SOX5: variants seen among roughly 807,000 people sequenced by gnomAD.
SOX5 encodes the protein SRY-box transcription factor 5, also known as transcription factor SOX-5.
Under a neutral mutation model 92.0 loss-of-function variants are expected in SOX5, and 9 were observed. That is an observed-to-expected ratio of 0.10 (90% CI 0.06 to 0.17). The LOEUF (loss-of-function observed/expected upper bound fraction) is 0.17, where lower values mean the gene tolerates loss of function less well. Ranked by LOEUF, SOX5 falls within the 10% of genes least tolerant of loss-of-function variation. SOX5 has a pLI of 1.00. For synonymous variants in SOX5, 344 were observed against 336.3 expected, an observed-to-expected ratio of 1.02 and a Z score of -0.25; for missense variants, 642 against 944.5, an observed-to-expected ratio of 0.68 and a Z score of 4.20.
intron 3 of SOX5, among the ~76,000 whole-genome samples, chr12:24,234,226 C>T (rs1191159509): frequency 6.6e-6 from 1 of 152,156 alleles, no homozygotes; most frequent in African/African-American, 2.4e-5. Flanking sequence ...CATATTCGAT[C>T]ATTTATTTTT....
intron 1 of SOX5, among the ~76,000 whole-genome samples, chr12:24,532,144 G>A (rs1951252257): frequency 6.6e-6 from 1 of 152,158 alleles, no homozygotes; most frequent in East Asian, 1.9e-4. Context: ...CATTTAAGGG[G>A]TGTACCCTTT....
intron 6 of SOX5, among the ~76,000 whole-genome samples, chr12:23,684,712 T>C (rs1351198015): frequency 6.6e-6 from 1 of 152,154 alleles, no homozygotes; most frequent in Non-Finnish European, 1.5e-5. Flanking sequence ...TCCTTACAGC[T>C]ATCCTGTAGT....
chr12:24,050,394 A>G (rs1251420051), intron 4 of SOX5, among the ~76,000 whole-genome samples: 1 of 152,202 alleles, frequency 6.6e-6, no homozygotes, highest in Non-Finnish European at 1.5e-5. Context: ...ATACCTGTTC[A>G]TGGTGACTGG....
intron 4 of SOX5, chr12:24,212,465 A>G: frequency 1.9e-6 from 1 of 534,066 alleles, no homozygotes; most frequent in Non-Finnish European, 3.8e-6. Flanking sequence ...GCTAAGACAC[A>G]CTCCAGGGGA....
At chr12:23,544,042 A>G (rs1057003026) in intron 12 of SOX5, among the ~76,000 whole-genome samples, 1 of 152,224 alleles carries the variant, frequency 6.6e-6, no homozygotes, top group Non-Finnish European at 1.5e-5. Context: ...AGAACAAATG[A>G]ACAGTTACAT....
chr12:23,667,895 T>G (rs1161461238), intron 6 of SOX5, among the ~76,000 whole-genome samples: 1 of 152,194 alleles, frequency 6.6e-6, no homozygotes, highest in East Asian at 1.9e-4. Context: ...TAAAAACACA[T>G]CTCAAAATAT....
chr12:23,627,645 T>C (rs538998481), intron 8 of SOX5, among the ~76,000 whole-genome samples: 39 of 152,262 alleles, frequency 2.6e-4, no homozygotes, highest in African/African-American at 8.7e-4. Flanking sequence ...CAGTATCTCA[T>C]TTCACAGGTG....
intron 4 of SOX5, among the ~76,000 whole-genome samples, chr12:24,200,726 G>A (rs1368198141): frequency 1.3e-5 from 2 of 152,140 alleles, no homozygotes; most frequent in African/African-American, 2.4e-5. Flanking sequence ...TATTGCAGGT[G>A]CCAGATGAGA....
At chr12:23,929,714 A>C (rs1307642482) in intron 1 of SOX5, among the ~76,000 whole-genome samples, 1 of 151,906 alleles carries the variant, frequency 6.6e-6, no homozygotes, top group Non-Finnish European at 1.5e-5. Flanking sequence ...TTTTTTTAAA[A>C]AATACGTGTT....
chr12:24,311,501 T>C (rs1370710414), intron 2 of SOX5, among the ~76,000 whole-genome samples: 1 of 152,202 alleles, frequency 6.6e-6, no homozygotes, highest in Non-Finnish European at 1.5e-5. Flanking sequence ...GATTGTGGGA[T>C]ATATGAGGAA....
At chr12:24,264,241 G>A (rs920924965) in intron 3 of SOX5, among the ~76,000 whole-genome samples, 2 of 152,064 alleles carry the variant, frequency 1.3e-5, no homozygotes, top group African/African-American at 4.8e-5. Flanking sequence ...CTTGGTATTT[G>A]CTATTTAAGG....
chr12:23,996,532 A>G (rs898478662), intron 4 of SOX5, among the ~76,000 whole-genome samples: 9 of 152,244 alleles, frequency 5.9e-5, no homozygotes, highest in Admixed American at 5.2e-4. Context: ...CACTATTCAT[A>G]ATAGACAAAA....
At chr12:24,040,117 T>C (rs533334546) in intron 4 of SOX5, among the ~76,000 whole-genome samples, 196 of 152,312 alleles carry the variant, frequency 1.3e-3, no homozygotes, top group African/African-American at 4.5e-3. Flanking sequence ...TTAACATTAT[T>C]TTCCCAGGAA....
At chr12:23,826,418 T>A (rs11047119) in intron 3 of SOX5, among the ~76,000 whole-genome samples, 27,285 of 152,102 alleles carry the variant, frequency 0.18, 2,946 homozygotes, top group East Asian at 0.52. Flanking sequence ...CCAGAACAAG[T>A]ATGGCTATAG....
intron 1 of SOX5, among the ~76,000 whole-genome samples, chr12:23,926,903 C>T (rs573121450): frequency 6.6e-6 from 1 of 151,982 alleles, no homozygotes; most frequent in Non-Finnish European, 1.5e-5. Flanking sequence ...TCCCAGAGGA[C>T]TTAAAATCCA....
At position 23,837,334 on chromosome 12, in the gene SOX5, G is replaced by T. The variant is rs1293216321; in HGVS notation, c.481+8649C>A. ...ATATTTATATTTATATAATATATAA[G>T]ATATATTTATATTTATATAATATAT... is the stretch of plus-strand genomic sequence containing the variant. On this transcript the variant is annotated intron_variant, in intron 3 of 14. Transcript: ENST00000451604. 5.4e-3 allele frequency among the ~76,000 whole-genome samples: 333 copies of T among 62,114 alleles called. 3 individuals are homozygous for T. The highest frequency in any genetic ancestry group is 8.5e-3 in the Middle Eastern group (1 of 118). 40.7% of individuals were successfully genotyped at this position (62,114 alleles called of 152,430 possible). A position where few individuals can be genotyped will look rare whatever the true frequency, so the allele number is the denominator to read the frequency against.
chr12:23,648,836 G>A (rs928369770), intron 7 of SOX5, among the ~76,000 whole-genome samples: 6 of 152,082 alleles, frequency 3.9e-5, no homozygotes, highest in Non-Finnish European at 8.8e-5. Context: ...GTGAATTGGG[G>A]AAAAGAAAAG....
chr12:24,109,447 C>A (rs1947069504), intron 4 of SOX5, among the ~76,000 whole-genome samples: 1 of 152,136 alleles, frequency 6.6e-6, no homozygotes, highest in African/African-American at 2.4e-5. Flanking sequence ...CCACTTTCTG[C>A]CTCATTAAGG....
At chr12:24,021,857 A>T (rs983862062) in intron 4 of SOX5, among the ~76,000 whole-genome samples, 1 of 152,202 alleles carries the variant, frequency 6.6e-6, no homozygotes, top group Non-Finnish European at 1.5e-5. Flanking sequence ...TGTCACCTTC[A>T]TGTACTCTAC....
Sources: allele counts gnomAD v4.1 joint callset (sites outside exome capture counted in the v4.1 genomes callset), GRCh38; gene constraint gnomAD v4.1.1; transcripts MANE v1.5; gene names NCBI Gene and HGNC (gene_info 2026-07-23, HGNC 2026-07-21).